Variants in VCL observed in about 807,000 individuals in gnomAD.
VCL encodes epididymis luminal protein 114.
In VCL, 47 loss-of-function variants were observed where a neutral mutation model predicts 125.7. The observed-to-expected ratio is 0.37, with a 90% CI of 0.30 to 0.48. The LOEUF (loss-of-function observed/expected upper bound fraction) is 0.48. VCL is among the 20% of genes least tolerant of loss of function. The pLI is 0.99. For missense variants in VCL, 1,069 were observed against 1,455.5 expected (o/e 0.73, Z 4.32); for synonymous variants, 458 against 514.6 (o/e 0.89, Z 1.49).
intron 2 of VCL, among the ~76,000 whole-genome samples, chr10:74,057,471 T>C (rs752224357): frequency 5.8e-4 from 88 of 152,146 alleles, no homozygotes; most frequent in Non-Finnish European, 8.7e-4. Context: ...GATCTTTGTC[T>C]GAAGGTAGGT....
intron 6 of VCL, among the ~76,000 whole-genome samples, chr10:74,081,632 T>G (rs144050549): frequency 6.9e-4 from 105 of 152,308 alleles, no homozygotes; most frequent in African/African-American, 2.4e-3. Flanking sequence ...TTTATGTGTT[T>G]AAAAAAATTT....
At chr10:74,107,748 A>G (rs1005437372) in intron 17 of VCL, among the ~76,000 whole-genome samples, 1 of 152,038 alleles carries the variant, frequency 6.6e-6, no homozygotes, top group South Asian at 2.1e-4. Flanking sequence ...AGGTGGTTGA[A>G]ATCTTGTGTT....
Position 74,085,098 on chromosome 10 carries a change from T to A in VCL, c.1022+1585T>A, listed in dbSNP as rs188588250. On this transcript the variant is annotated intron_variant, in intron 8 of 21. Transcript: ENST00000211998. ...CTAGTTTTTCAATATTTTGTAGAGA[T>A]AAGGTCTTGCTATGTTTTGTGGTCT... 5.3e-5 allele frequency among the ~76,000 whole-genome samples: 8 copies of A among 152,302 alleles called. No individual in the cohort carries two copies. In the East Asian group the frequency reaches 1.5e-3, roughly 29 times the overall value.
At chr10:74,039,391 C>T (rs572806824) in intron 1 of VCL, among the ~76,000 whole-genome samples, 4 of 151,986 alleles carry the variant, frequency 2.6e-5, no homozygotes, top group Non-Finnish European at 4.4e-5. Flanking sequence ...ATCACTCTCC[C>T]GGCTGACTGC....
chr10:74,045,622 C>CAAAA (rs71482565), intron 2 of VCL, among the ~76,000 whole-genome samples: 1 of 93,126 alleles, frequency 1.1e-5, no homozygotes, highest in Non-Finnish European at 2.0e-5. Context: ...GACTCTGTCT[C>CAAAA]AAAAAAAAAA....
chr10:74,071,096 C>T lies in VCL; in HGVS notation c.499+13C>T, dbSNP rs745914153. The T allele has an allele frequency of 6.2e-7, 1 of 1,609,948 alleles. No homozygotes were observed. The highest frequency in any genetic ancestry group is 8.5e-7 in the Non-Finnish European group (1 of 1,176,414). On this transcript the variant is annotated intron_variant, in intron 4 of 21. Transcript: ENST00000211998. The surrounding 1 kb of genome is among the most constrained non-coding windows in gnomAD (Gnocchi z 4.1). Reference sequence around the variant, plus strand: ...AATCTTGGGCCAGGTTAGTTTTATCCAATTTCTATAACATTTTTTAAGGAT... The same window carrying T: ...AATCTTGGGCCAGGTTAGTTTTATCTAATTTCTATAACATTTTTTAAGGAT...
At chr10:74,019,683 A>G (rs903385336) in intron 1 of VCL, among the ~76,000 whole-genome samples, 2 of 152,228 alleles carry the variant, frequency 1.3e-5, no homozygotes, top group Non-Finnish European at 2.9e-5. Context: ...GATAAATTCT[A>G]GAGATAGACT....
chr10:74,032,537 A>G (rs1173401589), intron 1 of VCL, among the ~76,000 whole-genome samples: 2 of 151,376 alleles, frequency 1.3e-5, no homozygotes, highest in African/African-American at 4.9e-5. Flanking sequence ...GTCTCTACCA[A>G]AAAAATACAA....
chr10:74,072,494 A>G lies in VCL; in HGVS notation c.500-236A>G, dbSNP rs74146315. On this transcript the variant is annotated intron_variant, in intron 4 of 21. Coordinates refer to ENST00000211998, the MANE Select transcript of VCL (RefSeq NM_014000.3). ...ATTTAGATGTTTAATATTTGTGAAT[A>G]TATTTATATCAAAATATGAAAATGT... 0.063 allele frequency among the ~76,000 whole-genome samples: 9,576 copies of G among 152,234 alleles called. 1,035 individuals are homozygous for G. The highest frequency in any genetic ancestry group is 0.22 in the African/African-American group (8,987 of 41,486).
intron 9 of VCL, among the ~76,000 whole-genome samples, chr10:74,089,619 G>A (rs953030237): frequency 1.3e-5 from 2 of 152,168 alleles, no homozygotes; most frequent in Admixed American, 1.3e-4. Flanking sequence ...AGGGAAGATT[G>A]CAGTACATTG....
chr10:74,074,915 T>C lies in VCL; in HGVS notation c.783+12T>C. 1 of 1,614,144 alleles carries C rather than the reference T, an allele frequency of 6.2e-7. No homozygotes were observed. Among genetic ancestry groups the C allele is most frequent in the South Asian group, 1.1e-5 (1 of 91,082 alleles). On this transcript the variant is annotated intron_variant, in intron 6 of 21. Coordinates refer to ENST00000211998, the MANE Select transcript of VCL (RefSeq NM_014000.3). ...CCTGGGCCAGCAAGGTACGTGTTCT[T>C]AGTGGAGAAATAAGCAAAATCCCCA...
chr10:74,050,857 A>G (rs549324446), intron 2 of VCL, among the ~76,000 whole-genome samples: 5 of 149,446 alleles, frequency 3.3e-5, no homozygotes, highest in African/African-American at 1.3e-4. Context: ...TGCATTTTTG[A>G]CCTAGAGCAA....
intron 1 of VCL, among the ~76,000 whole-genome samples, chr10:74,034,221 C>T (rs1399010231): frequency 6.6e-6 from 1 of 152,076 alleles, no homozygotes; most frequent in Non-Finnish European, 1.5e-5. Context: ...TAAATAATTC[C>T]CCATTGCTTA....
rs753536009 is a variant in VCL at position 74,097,101 on chromosome 10, T to C, written c.1744-103T>C. On this transcript the variant is annotated intron_variant, in intron 12 of 21. Transcript: ENST00000211998. This position sits in a 1 kb window ranked among gnomAD's most constrained non-coding sequence, Gnocchi z 4.1. ...ACACAGTTAACAAATATTTATTGAA[T>C]GAAAGACTGAATAGATGAATGAATG... 7.9e-6 allele frequency: 12 copies of C among 1,519,358 alleles called. No individual in the cohort carries two copies. The highest frequency in any genetic ancestry group is 1.7e-4 in the Middle Eastern group (1 of 5,728). The allele number at this position is 1,519,358 out of a possible 1,614,324, so 94.1% of individuals were successfully genotyped here. A position where few individuals can be genotyped will look rare whatever the true frequency, so the allele number is the denominator to read the frequency against.
At chr10:74,104,014 C>T in intron 15 of VCL, 86 bp downstream of exon 15, 1 of 1,357,912 alleles carries the variant, frequency 7.4e-7, no homozygotes. Context: ...TGTTACTCAG[C>T]TGTAATTGGA....
chr10:74,024,038 A>G (rs1342546058), intron 1 of VCL, among the ~76,000 whole-genome samples: 3 of 152,186 alleles, frequency 2.0e-5, no homozygotes, highest in Non-Finnish European at 4.4e-5. Context: ...GGAAGTACAG[A>G]TATCATAAAG....
intron 2 of VCL, among the ~76,000 whole-genome samples, chr10:74,069,623 CTG>C (rs1335893304): frequency 6.6e-6 from 1 of 152,152 alleles, no homozygotes; most frequent in Non-Finnish European, 1.5e-5. Context: ...TCAAATGAGA[CTG>C]TATAATTCTG....
intron 1 of VCL, among the ~76,000 whole-genome samples, chr10:74,016,001 A>G (rs1840530769): frequency 1.3e-5 from 2 of 150,634 alleles, no homozygotes; most frequent in African/African-American, 4.9e-5. Context: ...CTTTTTATTT[A>G]TTTGCTTTTG....
rs78279221 is a variant in VCL at position 74,032,732 on chromosome 10, T to A, written c.169-10351T>A. On this transcript the variant is annotated intron_variant, in intron 1 of 21. Transcript: ENST00000211998. ...AAAATATATATATATATATATATAT[T>A]GGCAAGGTATCTGAATAGACATTTC... 4.0e-4 allele frequency among the ~76,000 whole-genome samples: 59 copies of A among 147,926 alleles called. 1 individual carries two copies. The highest frequency in any genetic ancestry group is 2.7e-3 in the East Asian group (14 of 5,136).
Sources: gnomAD v4.1 joint callset for allele counts (sites outside exome capture counted in the v4.1 genomes callset) on GRCh38, gnomAD v4.1.1 for gene constraint, Gnocchi (gnomAD v3.1) non-coding constraint, MANE v1.5 for transcripts, NCBI Gene and HGNC (gene_info 2026-07-23, HGNC 2026-07-21) for gene names.